The following TFF1 variants were observed in gnomAD, a reference collection of about 807,000 sequenced individuals.
The protein encoded by TFF1 is trefoil factor 1.
In TFF1, 8 loss-of-function variants were observed where a neutral mutation model predicts 7.7. The ratio of observed to expected loss-of-function variants is 1.04; its 90% CI spans 0.61 to 1.87. The LOEUF is 1.87. Ranked by LOEUF, TFF1 falls within the 40% of genes most tolerant of loss-of-function variation. The pLI is 0.00. For synonymous variants in TFF1, 47 were observed against 44.8 expected, an observed-to-expected ratio of 1.05 and a Z score of -0.19; for missense variants, 120 against 113.4, an observed-to-expected ratio of 1.06 and a Z score of -0.26.
At chr21:42,364,169 C>T (rs1601504678) in intron 1 of TFF1, among the ~76,000 whole-genome samples, 1 of 151,544 alleles carries the variant, frequency 6.6e-6, no homozygotes, top group Non-Finnish European at 1.5e-5. Context: ...ATGTGCGAGA[C>T]AACGCAAGGC....
chr21:42,366,067 G>A (rs982962821), intron 1 of TFF1, among the ~76,000 whole-genome samples: 1 of 152,166 alleles, frequency 6.6e-6, no homozygotes, highest in African/African-American at 2.4e-5. Flanking sequence ...GGGAGATGTT[G>A]GCATGAACAG....
At chr21:42,364,635 C>T (rs912324655) in intron 1 of TFF1, among the ~76,000 whole-genome samples, 4 of 152,184 alleles carry the variant, frequency 2.6e-5, no homozygotes, top group Non-Finnish European at 5.9e-5. Context: ...GAAAGAGGAG[C>T]CCAGAGCACC....
At chr21:42,366,305 C>T (rs1434701856) in intron 1 of TFF1, 106 bp downstream of exon 1, 6 of 815,622 alleles carry the variant, frequency 7.4e-6, no homozygotes, top group Non-Finnish European at 1.1e-5. Context: ...AGAACAGCAC[C>T]TGGCACAAAA....
At chr21:42,362,593 C>A (rs1028591423) in intron 2 of TFF1, 98 bp from the exon 3 acceptor site, 220 of 1,364,752 alleles carry the variant, frequency 1.6e-4, no homozygotes, top group Non-Finnish European at 2.1e-4. Context: ...TTAAAGTATC[C>A]ATAGGCACAT....
chr21:42,364,704 T>C (rs191302578), intron 1 of TFF1, among the ~76,000 whole-genome samples: 89 of 152,306 alleles, frequency 5.8e-4, no homozygotes, highest in Admixed American at 1.4e-3. Flanking sequence ...CTGGCCACAC[T>C]GGCTCAGGTG....
chr21:42,362,667 G>A (rs1452438515), intron 2 of TFF1, among the ~76,000 whole-genome samples, 172 bp from the exon 3 acceptor site: 2 of 152,192 alleles, frequency 1.3e-5, no homozygotes, highest in Admixed American at 6.5e-5. Context: ...CAGCTCTCTG[G>A]GAGGCTGAGG....
chr21:42,362,917 A>G (rs1381946873), intron 2 of TFF1, among the ~76,000 whole-genome samples: 1 of 151,968 alleles, frequency 6.6e-6, no homozygotes, highest in African/African-American at 2.4e-5. Flanking sequence ...AAAAAAAAAA[A>G]AAGAATACAT....
intron 2 of TFF1, among the ~76,000 whole-genome samples, chr21:42,362,857 C>T (rs907762374): frequency 4.7e-5 from 7 of 149,400 alleles, no homozygotes; most frequent in Non-Finnish European, 1.0e-4. Context: ...CAAGATCGCA[C>T]CATTGCACTC....
intron 1 of TFF1, among the ~76,000 whole-genome samples, chr21:42,363,778 A>T (rs2052258530): frequency 6.6e-6 from 1 of 152,242 alleles, no homozygotes; most frequent in Non-Finnish European, 1.5e-5. Context: ...GCCAGGTGAG[A>T]GAGACCCAGA....
chr21:42,365,691 A>G (rs2052274110), intron 1 of TFF1, among the ~76,000 whole-genome samples: 1 of 152,232 alleles, frequency 6.6e-6, no homozygotes, highest in African/African-American at 2.4e-5. Flanking sequence ...ATGCTGCCAC[A>G]CAGCATTTCC....
chr21:42,364,650 G>A (rs1289609797), intron 1 of TFF1, among the ~76,000 whole-genome samples: 3 of 152,352 alleles, frequency 2.0e-5, no homozygotes, highest in East Asian at 3.9e-4. Flanking sequence ...AGCACCCTCC[G>A]GTCCCTGTCC....
intron 2 of TFF1, 79 bp downstream of exon 2, chr21:42,363,176 G>A (rs1345969393): frequency 6.3e-7 from 1 of 1,585,824 alleles, no homozygotes; most frequent in Non-Finnish European, 8.6e-7. Flanking sequence ...TGGTGATGCT[G>A]ATCAGAGCCT....
chr21:42,365,271 G>C (rs559914643), intron 1 of TFF1, among the ~76,000 whole-genome samples: 1 of 151,938 alleles, frequency 6.6e-6, no homozygotes, highest in Non-Finnish European at 1.5e-5. Context: ...GGCAGAGCTG[G>C]GGGCTGGGGT....
At chr21:42,365,855 C>G (rs931494710) in intron 1 of TFF1, among the ~76,000 whole-genome samples, 1 of 152,176 alleles carries the variant, frequency 6.6e-6, no homozygotes, top group Non-Finnish European at 1.5e-5. Context: ...TATGGGTTGC[C>G]AGCCACGCAC....
In TFF1 at chr21:42,366,535, T is replaced by G. The variant is rs749973655; in HGVS notation, c.-40A>C. Reference sequence around the variant, plus strand: ...TCCAAAGGCGACCCCGAGTCAGGGATGAGAGGCCGCCCGAGCCCCGGATTT... The same window carrying G: ...TCCAAAGGCGACCCCGAGTCAGGGAGGAGAGGCCGCCCGAGCCCCGGATTT... On this transcript the variant is annotated 5_prime_UTR_variant, in exon 1 of 3. Coordinates refer to ENST00000291527, the MANE Select transcript of TFF1 (RefSeq NM_003225.3). 6.4e-7 allele frequency: 1 copy of G among 1,560,644 alleles called. No individual in the cohort carries two copies. The highest frequency in any genetic ancestry group is 1.1e-5 in the South Asian group (1 of 88,092).
intron 2 of TFF1, 51 bp from the exon 3 acceptor site, chr21:42,362,546 T>G: frequency 6.6e-7 from 1 of 1,524,742 alleles, no homozygotes; most frequent in Non-Finnish European, 8.8e-7. Context: ...AGGATAAACA[T>G]TTTCTTTCAC....
At chr21:42,365,592 C>T (rs2052273291) in intron 1 of TFF1, among the ~76,000 whole-genome samples, 1 of 152,166 alleles carries the variant, frequency 6.6e-6, no homozygotes, top group African/African-American at 2.4e-5. Context: ...ACGTAGAAAG[C>T]CCTTTCTCCT....
chr21:42,366,503 T>A lies in TFF1; in HGVS notation c.-8A>T, dbSNP rs201390428. 586 of 1,608,496 alleles carry A rather than the reference T, an allele frequency of 3.6e-4. No individual in the cohort carries two copies. In the African/African-American group the frequency reaches 7.2e-3, roughly 20 times the overall value. ...GTTCTCCATGGTGGCCATTGCCTCC[T>A]CTCTGCTCCAAAGGCGACCCCGAGT... On this transcript the variant is annotated 5_prime_UTR_variant, in exon 1 of 3. Transcript: ENST00000291527.
rs553337656 is a variant in TFF1, at chr21:42,364,979, CG to C, written c.85+1431del. The stretch of plus-strand genomic sequence containing the variant: ...GAGGGAGGATCATCATCCTGGGGGT[CG>C]GGGGGGTTTCCTCCTCAGGGAGGAA... On this transcript the variant is annotated intron_variant, in intron 1 of 2. Transcript: ENST00000291527. 4.0e-5 allele frequency among the ~76,000 whole-genome samples: 6 copies of C among 151,874 alleles called. No individual in the cohort carries two copies. The South Asian group carries it at 6.2e-4, about 16-fold the overall frequency.
Sources: gnomAD v4.1 joint callset for allele counts (sites outside exome capture counted in the v4.1 genomes callset) on GRCh38, gnomAD v4.1.1 for gene constraint, MANE v1.5 for transcripts, NCBI Gene and HGNC (gene_info 2026-07-23, HGNC 2026-07-21) for gene names.